Variants in GRIA2 observed in about 807,000 individuals in gnomAD.
GRIA2 encodes the protein glutamate ionotropic receptor AMPA type subunit 2.
In GRIA2, 14 loss-of-function variants were observed where a neutral mutation model predicts 97.3. The observed-to-expected ratio is 0.14, with a 90% CI of 0.10 to 0.23. The LOEUF (loss-of-function observed/expected upper bound fraction) is 0.23, where lower values mean the gene tolerates loss of function less well. GRIA2 is among the 10% of genes least tolerant of loss of function. GRIA2 has a pLI of 1.00. For synonymous variants in GRIA2, 412 were observed against 387.8 expected (o/e 1.06, Z -0.73); for missense variants, 558 against 1,069.8 (o/e 0.52, Z 6.67).
At chr4:157,231,138 A>G (rs565807872) in intron 2 of GRIA2, among the ~76,000 whole-genome samples, 8 of 152,160 alleles carry the variant, frequency 5.3e-5, no homozygotes, top group Admixed American at 4.6e-4. Context: ...CTCTGGGTTC[A>G]AGCAGTTTTC....
At chr4:157,307,417 T>C (rs994035271) in intron 3 of GRIA2, among the ~76,000 whole-genome samples, 1 of 152,134 alleles carries the variant, frequency 6.6e-6, no homozygotes, top group African/African-American at 2.4e-5. Flanking sequence ...AGTTTACTGG[T>C]GAGAGGAGAG....
At chr4:157,259,992 A>G (rs746043335) in intron 2 of GRIA2, among the ~76,000 whole-genome samples, 1 of 151,832 alleles carries the variant, frequency 6.6e-6, no homozygotes, top group African/African-American at 2.4e-5. Context: ...TCTCATTCCT[A>G]CTCCTACTGT....
At chr4:157,277,186 A>T (rs974025819) in intron 2 of GRIA2, among the ~76,000 whole-genome samples, 1 of 151,958 alleles carries the variant, frequency 6.6e-6, no homozygotes, top group African/African-American at 2.4e-5. Context: ...AAATAATTAC[A>T]CACCACAGCT....
At chr4:157,325,550 T>C (rs1231919828) in intron 6 of GRIA2, among the ~76,000 whole-genome samples, 1 of 152,210 alleles carries the variant, frequency 6.6e-6, no homozygotes, top group Non-Finnish European at 1.5e-5. Flanking sequence ...AATTGTAGCA[T>C]TGATGGAGGT....
intron 6 of GRIA2, 54 bp downstream of exon 6, chr4:157,321,653 A>G (rs764229464): frequency 7.1e-6 from 9 of 1,271,740 alleles, no homozygotes; most frequent in Non-Finnish European, 1.0e-5. Flanking sequence ...GAGAGAGAAG[A>G]GTCTTGGCAA....
At chr4:157,228,608 C>T (rs1182388238) in intron 2 of GRIA2, among the ~76,000 whole-genome samples, 2 of 151,964 alleles carry the variant, frequency 1.3e-5, no homozygotes, top group Non-Finnish European at 2.9e-5. Context: ...GGCTGGCCAA[C>T]ATGGCGAAAT....
intron 11 of GRIA2, among the ~76,000 whole-genome samples, chr4:157,338,030 A>ATGTG (rs1411448403): frequency 8.5e-5 from 1 of 11,768 alleles, no homozygotes; most frequent in Non-Finnish European, 3.3e-4. Flanking sequence ...ATATATATAT[A>ATGTG]TATATATATA....
At position 157,229,422 on chromosome 4, in the gene GRIA2, A is replaced by G. The variant is rs559255107; in HGVS notation, c.229+7615A>G. 3.9e-5 allele frequency among the ~76,000 whole-genome samples: 6 copies of G among 152,322 alleles called. No homozygotes were observed. In the South Asian group the frequency reaches 1.2e-3, roughly 32 times the overall value. ...GGGTGACAGGGCAAAAACTTGCCTC[A>G]AAAAAGCACAACAGAGTCTTGAAAT... On this transcript the variant is annotated intron_variant, in intron 2 of 15. Coordinates refer to ENST00000264426, the MANE Select transcript of GRIA2 (RefSeq NM_001083619.3).
At chr4:157,269,499 G>A (rs1731920784) in intron 2 of GRIA2, among the ~76,000 whole-genome samples, 1 of 152,010 alleles carries the variant, frequency 6.6e-6, no homozygotes, top group Non-Finnish European at 1.5e-5. Context: ...AGGTAACTTG[G>A]CCAAGATCTC....
At chr4:157,333,762 C>T (rs149868401) in intron 8 of GRIA2, among the ~76,000 whole-genome samples, 4 of 152,034 alleles carry the variant, frequency 2.6e-5, no homozygotes, top group African/African-American at 9.6e-5. Context: ...TTCTATATGA[C>T]CACTCCCAAA....
chr4:157,266,869 G>A (rs1356474892), intron 2 of GRIA2, among the ~76,000 whole-genome samples: 1 of 151,896 alleles, frequency 6.6e-6, no homozygotes, highest in Non-Finnish European at 1.5e-5. Context: ...GATGAGTCTG[G>A]GCAGCAGAGT....
At chr4:157,352,203 A>G (rs1181374156) in intron 12 of GRIA2, among the ~76,000 whole-genome samples, 1 of 152,174 alleles carries the variant, frequency 6.6e-6, no homozygotes, top group African/African-American at 2.4e-5. Context: ...TCTAAACTCT[A>G]TGTTGAGGAT....
At chr4:157,274,138 G>A (rs550199741) in intron 2 of GRIA2, among the ~76,000 whole-genome samples, 5 of 152,050 alleles carry the variant, frequency 3.3e-5, no homozygotes, top group Admixed American at 1.3e-4. Flanking sequence ...TCATTTAGTA[G>A]TGAAGAGGAA....
intron 2 of GRIA2, among the ~76,000 whole-genome samples, chr4:157,278,834 AGAAGATATACT>A (rs140170014): frequency 0.18 from 26,966 of 151,936 alleles, 2,561 homozygotes; most frequent in African/African-American, 0.24. Flanking sequence ...ATCTCATTGA[AGAAGATATACT>A]GAAGATATAC....
intron 12 of GRIA2, among the ~76,000 whole-genome samples, chr4:157,346,935 AAGCACTGAAT>A (rs1456507504): frequency 3.3e-5 from 5 of 152,166 alleles, no homozygotes; most frequent in African/African-American, 1.2e-4. Flanking sequence ...ACATCTGAGA[AAGCACTGAAT>A]TGAAAAAGCA....
At position 157,341,475 on chromosome 4, in the gene GRIA2, G is replaced by T. The variant is rs1398574450; in HGVS notation, c.2043+13G>T. On this transcript the variant is annotated intron_variant, in intron 12 of 15. Coordinates refer to ENST00000264426, the MANE Select transcript of GRIA2 (RefSeq NM_001083619.3). ...AGAGTTTTTCAGGGTAAGAGATTCT[G>T]CTTTGTAGTTTCTGATTTTGTTCCT... 2 of 1,544,362 alleles carry T rather than the reference G, an allele frequency of 1.3e-6. No homozygotes were observed. Among genetic ancestry groups the T allele is most frequent in the Non-Finnish European group, 1.8e-6 (2 of 1,117,074 alleles).
intron 2 of GRIA2, among the ~76,000 whole-genome samples, chr4:157,256,638 G>T (rs1050066645): frequency 6.6e-6 from 1 of 151,806 alleles, no homozygotes; most frequent in African/African-American, 2.4e-5. Context: ...CCTTTTAAGA[G>T]AATTAATTTC....
chr4:157,332,334 A>C (rs1214567194), intron 6 of GRIA2, among the ~76,000 whole-genome samples: 1 of 152,050 alleles, frequency 6.6e-6, no homozygotes, highest in Non-Finnish European at 1.5e-5. Flanking sequence ...GACACCCCTA[A>C]AACCACTGCA....
intron 2 of GRIA2, among the ~76,000 whole-genome samples, chr4:157,223,990 G>A (rs1037557832): frequency 1.1e-4 from 17 of 151,956 alleles, no homozygotes; most frequent in African/African-American, 1.5e-4. Flanking sequence ...AAAATATATA[G>A]CCAGAATATG....
Sources: gnomAD v4.1 joint callset for allele counts (sites outside exome capture counted in the v4.1 genomes callset) on GRCh38, gnomAD v4.1.1 for gene constraint, MANE v1.5 for transcripts, NCBI Gene and HGNC (gene_info 2026-07-23, HGNC 2026-07-21) for gene names.